ERI1: variants seen among roughly 807,000 people sequenced by gnomAD.
The protein encoded by ERI1 is exoribonuclease 1, also known as 3'-5' exoribonuclease 1.
A neutral mutation model predicts 39.7 loss-of-function variants in ERI1; 39 were observed. That is an observed-to-expected ratio of 0.98 (90% CI 0.76 to 1.28). The LOEUF (loss-of-function observed/expected upper bound fraction) is 1.28. Among genes scored for constraint, ERI1 ranks in the 50% most tolerant of loss-of-function variants. The pLI, the probability that ERI1 is intolerant of heterozygous loss-of-function variation, is 0.00. For missense variants in ERI1, 581 were observed against 416.9 expected (o/e 1.39, Z -3.43); for synonymous variants, 204 against 149.6 (o/e 1.36, Z -2.65).
rs139254071 is a variant in ERI1, at chr8:9,044,338, A to G, written n.299+23874A>G. 9.0e-4 allele frequency among the ~76,000 whole-genome samples: 137 copies of G among 152,226 alleles called. 2 individuals are homozygous for G. In the Middle Eastern group the frequency reaches 0.014, roughly 15 times the overall value. ...GATCCCGGATCCTGGAATGGTGCTG[A>G]GATTGTTGAAAGAAGCGAGGTGACT... is the stretch of plus-strand genomic sequence containing the variant. On this transcript the variant is annotated intron_variant and non_coding_transcript_variant, in intron 3 of 3. Coordinates refer to the ERI1 transcript ENST00000518663.
chr8:9,081,758 A>G (rs1349297853), intron 3 of ERI1, among the ~76,000 whole-genome samples: 1 of 150,838 alleles, frequency 6.6e-6, no homozygotes, highest in East Asian at 1.9e-4. Flanking sequence ...AATAGGCAAG[A>G]AAGAAGGGGG....
At chr8:9,044,064 A>T (rs1798104377) in intron 3 of ERI1, among the ~76,000 whole-genome samples, 1 of 152,158 alleles carries the variant, frequency 6.6e-6, no homozygotes. Context: ...CTTAACCTTT[A>T]TGAGCTCCCA....
In ERI1 at chr8:9,016,009, A is replaced by G. The variant is rs59294496; in HGVS notation, c.499-313A>G. Reference sequence around the variant, plus strand: ...GTATCTTGAAGTAGAGGATGCATTAATGCGCTTTATAGTTTTAAAATATTA... The same window carrying G: ...GTATCTTGAAGTAGAGGATGCATTAGTGCGCTTTATAGTTTTAAAATATTA... On this transcript the variant is annotated intron_variant, in intron 3 of 6. Transcript: ENST00000250263. 7.1e-3 allele frequency among the ~76,000 whole-genome samples: 1,078 copies of G among 152,260 alleles called. 7 individuals carry two copies. Among genetic ancestry groups the G allele is most frequent in the African/African-American group, 0.024 (990 of 41,552 alleles).
intron 3 of ERI1, among the ~76,000 whole-genome samples, chr8:9,043,933 A>G (rs1204051814): frequency 6.6e-6 from 1 of 152,222 alleles, no homozygotes; most frequent in East Asian, 1.9e-4. Context: ...TAACAATGTA[A>G]AGTAAGTTTC....
intron 3 of ERI1, among the ~76,000 whole-genome samples, chr8:9,039,338 A>G (rs1257273423): frequency 6.6e-6 from 1 of 152,242 alleles, no homozygotes; most frequent in South Asian, 2.1e-4. Flanking sequence ...TTCATGATAC[A>G]TGTTCATCAT....
At chr8:9,089,942 A>G (rs1799652670) in intron 3 of ERI1, among the ~76,000 whole-genome samples, 1 of 151,996 alleles carries the variant, frequency 6.6e-6, no homozygotes, top group Admixed American at 6.6e-5. Context: ...ATCCAAGAGA[A>G]CGGCTCCTGA....
intron 3 of ERI1, among the ~76,000 whole-genome samples, chr8:9,048,009 G>A (rs1474798187): frequency 6.6e-6 from 1 of 152,188 alleles, no homozygotes; most frequent in Non-Finnish European, 1.5e-5. Flanking sequence ...TCTTGTCCAA[G>A]GCCACAAAGC....
intron 3 of ERI1, among the ~76,000 whole-genome samples, chr8:9,078,098 T>A (rs1799263122): frequency 6.6e-6 from 1 of 152,160 alleles, no homozygotes; most frequent in Admixed American, 6.5e-5. Flanking sequence ...CAAGTGATTC[T>A]CCCGCCTCAG....
At chr8:9,008,684 G>T (rs752091532) in intron 2 of ERI1, among the ~76,000 whole-genome samples, 5 of 152,094 alleles carry the variant, frequency 3.3e-5, no homozygotes, top group Non-Finnish European at 5.9e-5. Flanking sequence ...ATTTTAATGA[G>T]ATATACACAT....
At chr8:9,099,598 CAAA>C (rs752054721) in intron 3 of ERI1, among the ~76,000 whole-genome samples, 9 of 90,522 alleles carry the variant, frequency 9.9e-5, no homozygotes, top group East Asian at 3.4e-4. Context: ...CTCTCTCTCT[CAAA>C]AAAAAAAAAA....
At chr8:9,088,295 C>T (rs1220791450) in intron 3 of ERI1, among the ~76,000 whole-genome samples, 2 of 151,868 alleles carry the variant, frequency 1.3e-5, no homozygotes, top group African/African-American at 4.8e-5. Context: ...AAAGTGTTTT[C>T]TGAATAATTC....
chr8:9,024,455 C>G (rs893302685), intron 6 of ERI1, among the ~76,000 whole-genome samples: 1 of 151,678 alleles, frequency 6.6e-6, no homozygotes, highest in East Asian at 1.9e-4. Context: ...GAATCTCACT[C>G]TGTCATCCAG....
chr8:9,078,481 C>G (rs1184747763), intron 3 of ERI1, among the ~76,000 whole-genome samples: 1 of 152,116 alleles, frequency 6.6e-6, no homozygotes, highest in Non-Finnish European at 1.5e-5. Flanking sequence ...GGTTGGAATT[C>G]AAACTCAAGT....
intron 5 of ERI1, 81 bp downstream of exon 5, chr8:9,018,487 AC>A: frequency 2.5e-6 from 2 of 791,474 alleles, no homozygotes; most frequent in South Asian, 1.8e-5. Flanking sequence ...TTTTAGAATA[AC>A]CACAAACTAT....
chr8:9,049,336 CAAAAAAA>C (rs3989371), intron 3 of ERI1, among the ~76,000 whole-genome samples: 7 of 33,224 alleles, frequency 2.1e-4, no homozygotes, highest in Non-Finnish European at 2.6e-4. Flanking sequence ...ACTCCGTCTC[CAAAAAAA>C]AAAAAAAAAA....
rs1798915941 is a variant in ERI1 at position 9,067,443 on chromosome 8, AAAAG to A, written n.299+46984_299+46987del. ...GTGCAATATCAATAGTAGAAGGGAA[AAAAG>A]AAAGGTGACCTAGCCTGGGCAACAT... On this transcript the variant is annotated intron_variant and non_coding_transcript_variant, in intron 3 of 3. Coordinates refer to the ERI1 transcript ENST00000518663. Among the ~76,000 whole-genome samples the A allele has an allele frequency of 1.3e-5, 2 of 151,152 alleles. 1 individual carries two copies. Among genetic ancestry groups the A allele is most frequent in the Admixed American group, 1.3e-4 (2 of 15,092 alleles).
chr8:9,046,261 G>C (rs1798172068), intron 3 of ERI1, among the ~76,000 whole-genome samples: 1 of 152,182 alleles, frequency 6.6e-6, no homozygotes, highest in South Asian at 2.1e-4. Context: ...TATCTCTTGA[G>C]TGGCAGTGAT....
intron 3 of ERI1, among the ~76,000 whole-genome samples, chr8:9,054,277 A>G (rs1798442898): frequency 6.6e-6 from 1 of 152,236 alleles, no homozygotes; most frequent in African/African-American, 2.4e-5. Context: ...TATCCCCATC[A>G]AAATACATCA....
At chr8:9,064,718 C>G (rs1798812450) in intron 3 of ERI1, among the ~76,000 whole-genome samples, 1 of 152,100 alleles carries the variant, frequency 6.6e-6, no homozygotes, top group Non-Finnish European at 1.5e-5. Context: ...GGATCTTTTT[C>G]ACGGACCAAA....
Sources: allele counts gnomAD v4.1 joint callset (sites outside exome capture counted in the v4.1 genomes callset), GRCh38; gene constraint gnomAD v4.1.1; transcripts MANE v1.5; gene names NCBI Gene and HGNC (gene_info 2026-07-23, HGNC 2026-07-21).